CACNA1A: variants seen among roughly 807,000 people sequenced by gnomAD.
CACNA1A encodes calcium voltage-gated channel subunit alpha1 A.
CACNA1A carries 57 observed loss-of-function variants against 262.4 expected under a neutral mutation model. That is an observed-to-expected ratio of 0.22 (90% CI 0.18 to 0.27). The LOEUF (loss-of-function observed/expected upper bound fraction) is 0.27, where lower values mean the gene tolerates loss of function less well. Among genes scored for constraint, CACNA1A ranks in the 10% least tolerant of loss-of-function variants. The pLI is 1.00. For synonymous variants in CACNA1A, 1,431 were observed against 1,419.3 expected (o/e 1.01, Z -0.18); for missense variants, 2,526 against 3,562.8 (o/e 0.71, Z 7.41).
At chr19:13,503,846 G>T (rs1982690566) in intron 1 of CACNA1A, among the ~76,000 whole-genome samples, 2 of 152,056 alleles carry the variant, frequency 1.3e-5, no homozygotes, top group Admixed American at 6.6e-5. Flanking sequence ...CCCCGGGCGA[G>T]CTGGCCAGAG....
At chr19:13,406,506 T>TAA (rs2060011474) in intron 3 of CACNA1A, among the ~76,000 whole-genome samples, 1 of 120,450 alleles carries the variant, frequency 8.3e-6, no homozygotes, top group Non-Finnish European at 1.7e-5. Flanking sequence ...TATATATATA[T>TAA]ATATATGAAG....
chr19:13,265,991 T>C (rs2056852035), intron 24 of CACNA1A, among the ~76,000 whole-genome samples: 1 of 152,056 alleles, frequency 6.6e-6, no homozygotes, highest in African/African-American at 2.4e-5. Context: ...ATTACAGGCA[T>C]GTGCCATCAC....
intron 45 of CACNA1A, 95 bp from the exon 46 acceptor site, chr19:13,209,104 C>A (rs1212198511): frequency 1.3e-5 from 20 of 1,492,368 alleles, no homozygotes; most frequent in Non-Finnish European, 6.3e-6. Flanking sequence ...GGTGTGGGGG[C>A]CCTAGAGATC....
chr19:13,240,823 T>A (rs1365841125), intron 31 of CACNA1A, among the ~76,000 whole-genome samples: 2 of 152,206 alleles, frequency 1.3e-5, no homozygotes, highest in African/African-American at 4.8e-5. Context: ...GTGCAGTGTC[T>A]GTGTGCAGTG....
chr19:13,269,485 A>G (rs1463577753), intron 24 of CACNA1A, among the ~76,000 whole-genome samples: 1 of 152,212 alleles, frequency 6.6e-6, no homozygotes, highest in East Asian at 1.9e-4. Flanking sequence ...GGATCAAGAG[A>G]TAGCAGCCTG....
At chr19:13,393,576 T>TTCTTCTTCC (rs1194344001) in intron 3 of CACNA1A, among the ~76,000 whole-genome samples, 1 of 114,612 alleles carries the variant, frequency 8.7e-6, no homozygotes, top group Non-Finnish European at 1.8e-5. Flanking sequence ...CCCCTTCTTC[T>TTCTTCTTCC]TCTTCTTCCT....
chr19:13,282,018 C>T (rs558578329), intron 22 of CACNA1A, among the ~76,000 whole-genome samples: 136 of 152,366 alleles, frequency 8.9e-4, no homozygotes, highest in Middle Eastern at 3.4e-3. Flanking sequence ...CTCCTCCCCA[C>T]GCCTGGCTCC....
intron 3 of CACNA1A, among the ~76,000 whole-genome samples, chr19:13,389,214 T>A (rs2059671260): frequency 6.6e-6 from 1 of 152,090 alleles, no homozygotes; most frequent in South Asian, 2.1e-4. Context: ...CAACCATATT[T>A]CTAAAAGCCC....
intron 3 of CACNA1A, among the ~76,000 whole-genome samples, chr19:13,372,302 G>A (rs1251945470): frequency 3.3e-5 from 5 of 152,072 alleles, no homozygotes; most frequent in African/African-American, 1.2e-4. Flanking sequence ...CCGAGTAGCT[G>A]GGATTACTAC....
chr19:13,226,368 G>A (rs1382392417), intron 37 of CACNA1A: 1 of 151,870 alleles, frequency 6.6e-6, no homozygotes, highest in Non-Finnish European at 1.5e-5. Flanking sequence ...GAGAAGGAGG[G>A]GAGACATATA....
At chr19:13,275,785 G>T in intron 24 of CACNA1A, 65 bp downstream of exon 24, 1 of 1,093,284 alleles carries the variant, frequency 9.1e-7, no homozygotes, top group Non-Finnish European at 1.4e-6. Context: ...CCTGTAATCC[G>T]ATGTGTGGCC....
At chr19:13,367,244 A>G (rs1241275271) in intron 4 of CACNA1A, among the ~76,000 whole-genome samples, 1 of 148,552 alleles carries the variant, frequency 6.7e-6, no homozygotes, top group African/African-American at 2.5e-5. Context: ...GCAGTGAGCC[A>G]AGATGACGCC....
At chr19:13,373,050 A>G (rs17228341) in intron 3 of CACNA1A, among the ~76,000 whole-genome samples, 10,356 of 152,324 alleles carry the variant, frequency 0.068, 540 homozygotes, top group South Asian at 0.11. Context: ...GCACAATACA[A>G]TAAAAGAGAC....
At chr19:13,321,001 G>A (rs963878121) in intron 10 of CACNA1A, among the ~76,000 whole-genome samples, 1 of 150,066 alleles carries the variant, frequency 6.7e-6, no homozygotes. Flanking sequence ...GGTGTAACTG[G>A]TACCAGTCTG....
At chr19:13,470,230 G>T (rs2061326457) in intron 1 of CACNA1A, among the ~76,000 whole-genome samples, 1 of 152,040 alleles carries the variant, frequency 6.6e-6, no homozygotes, top group East Asian at 1.9e-4. Context: ...TCCCCTTCAT[G>T]AAGAGTTGCC....
intron 34 of CACNA1A, 45 bp from the exon 35 acceptor site, chr19:13,231,905 T>C (rs563966453): frequency 2.5e-6 from 4 of 1,585,480 alleles, no homozygotes; most frequent in Admixed American, 3.5e-5. Context: ...CAGCCCTGAC[T>C]GGGTACCAAC....
At chr19:13,279,772 C>T (rs958345960) in intron 22 of CACNA1A, among the ~76,000 whole-genome samples, 13 of 147,896 alleles carry the variant, frequency 8.8e-5, no homozygotes, top group African/African-American at 2.0e-4. Context: ...GGTGCGAGCC[C>T]GGCCCACTGT....
chr19:13,454,095 A>G (rs1198912221), intron 2 of CACNA1A, among the ~76,000 whole-genome samples: 1 of 151,804 alleles, frequency 6.6e-6, no homozygotes, highest in Non-Finnish European at 1.5e-5. Flanking sequence ...AGGTAGCTTC[A>G]GGATGGGGGT....
chr19:13,389,666 C>A (rs910910116), intron 3 of CACNA1A, among the ~76,000 whole-genome samples: 2 of 152,176 alleles, frequency 1.3e-5, no homozygotes, highest in Admixed American at 6.6e-5. Flanking sequence ...ATGTCATAGG[C>A]TGATTAGCTT....
Sources: gnomAD v4.1 joint callset for allele counts (sites outside exome capture counted in the v4.1 genomes callset) on GRCh38, gnomAD v4.1.1 for gene constraint, MANE v1.5 for transcripts, NCBI Gene and HGNC (gene_info 2026-07-23, HGNC 2026-07-21) for gene names.